DIPK1A: variants seen among roughly 807,000 people sequenced by gnomAD.
DIPK1A encodes the protein family with sequence similarity 69 member A.
In DIPK1A, 27 loss-of-function variants were observed where a neutral mutation model predicts 40.8. The observed-to-expected ratio is 0.66, with a 90% CI of 0.49 to 0.91. DIPK1A has a LOEUF of 0.91. DIPK1A is among the 40% of genes least tolerant of loss of function. The pLI is 0.00. For missense variants in DIPK1A, 412 were observed against 505.7 expected (o/e 0.81, Z 1.78); for synonymous variants, 166 against 171.3 (o/e 0.97, Z 0.24).
rs1243652631 is a variant in DIPK1A, at chr1:92,843,410, C to T, written c.1260G>A (p.Lys420=). Residue 420 remains lysine, a synonymous_variant, in exon 5 of 5, where the codon AAG becomes AAA. Transcript: ENST00000370310. The stretch of plus-strand genomic sequence containing the variant: ...AAGAGTCATTAGTGTAGGAAATTTT[C>T]TTCCACAATAATGTTTTTAGGTTAT... The part of the protein sequence containing the change: ...ILNNLKTLLW[K]KISYTNDS 6.5e-7 allele frequency: 1 copy of T among 1,544,102 alleles called. No homozygotes were observed. Among genetic ancestry groups the T allele is most frequent in the Non-Finnish European group, 8.7e-7 (1 of 1,143,516 alleles).
intron 2 of DIPK1A, among the ~76,000 whole-genome samples, chr1:92,854,020 G>A (rs1687906608): frequency 6.6e-6 from 1 of 152,128 alleles, no homozygotes; most frequent in Admixed American, 6.5e-5. Context: ...CCGAGTAGCT[G>A]GGACTACAAG....
intron 1 of DIPK1A, among the ~76,000 whole-genome samples, chr1:92,900,620 T>C (rs1276120903): frequency 6.6e-6 from 1 of 151,970 alleles, no homozygotes; most frequent in Non-Finnish European, 1.5e-5. Context: ...TCCTTTTCAT[T>C]GGGGTCTGTC....
At position 92,877,032 on chromosome 1, in the gene DIPK1A, C is replaced by T. The variant is rs1045122382; in HGVS notation, c.55-602G>A. 121 of 985,046 alleles carry T rather than the reference C, an allele frequency of 1.2e-4. 1 individual carries two copies. Among genetic ancestry groups the T allele is most frequent in the Non-Finnish European group, 1.0e-4 (86 of 829,824 alleles). 61.0% of individuals were successfully genotyped at this position (985,046 alleles called of 1,614,324 possible). On this transcript the variant is annotated intron_variant, in intron 1 of 4. Coordinates refer to ENST00000370310, the MANE Select transcript of DIPK1A (RefSeq NM_001006605.5). ...ATAGATATTCTGGAAACTGAGGAGA[C>T]GCTAACAATTGTTAAAGGAGAAATG...
chr1:92,862,749 A>G (rs921295759), intron 2 of DIPK1A, among the ~76,000 whole-genome samples: 1 of 152,208 alleles, frequency 6.6e-6, no homozygotes, highest in Non-Finnish European at 1.5e-5. Flanking sequence ...AAGGTCTGTT[A>G]TGAGTTTGAC....
chr1:92,961,304 A>C, intron 1 of DIPK1A, 72 bp downstream of exon 1: 1 of 1,166,294 alleles, frequency 8.6e-7, no homozygotes, highest in Non-Finnish European at 1.2e-6. Flanking sequence ...GGAGCGGGCG[A>C]GTCCTGCGCG....
At chr1:92,856,379 A>G (rs1464084288) in intron 2 of DIPK1A, among the ~76,000 whole-genome samples, 1 of 150,348 alleles carries the variant, frequency 6.7e-6, no homozygotes, top group Non-Finnish European at 1.5e-5. Context: ...AAAGCAGGCC[A>G]ATAACTCTAT....
chr1:92,833,039 A>G, intron 4 of DIPK1A: 1 of 738,310 alleles, frequency 1.4e-6, no homozygotes, highest in Non-Finnish European at 2.5e-6. Flanking sequence ...CTGGTCCTTG[A>G]AGAAACAAAT....
chr1:92,836,064 G>A, intron 4 of DIPK1A: 1 of 815,910 alleles, frequency 1.2e-6, no homozygotes, highest in South Asian at 1.4e-5. Context: ...TCTGGTGAAA[G>A]GGTGGGTGTG....
chr1:92,891,721 C>T (rs1002572747), intron 1 of DIPK1A, among the ~76,000 whole-genome samples: 10 of 151,928 alleles, frequency 6.6e-5, no homozygotes, highest in African/African-American at 2.2e-4. Flanking sequence ...ATTGCCTCAC[C>T]CGGGAAGAGG....
intron 2 of DIPK1A, among the ~76,000 whole-genome samples, chr1:92,875,445 G>A (rs766345771): frequency 6.6e-6 from 1 of 152,150 alleles, no homozygotes; most frequent in East Asian, 1.9e-4. Flanking sequence ...GGCCAGGTGC[G>A]GTGGCTCATG....
intron 1 of DIPK1A, among the ~76,000 whole-genome samples, chr1:92,895,934 A>G (rs1192571820): frequency 1.3e-5 from 2 of 152,118 alleles, no homozygotes; most frequent in African/African-American, 4.8e-5. Context: ...ATACCTAGGA[A>G]TCCAGCTTAC....
At chr1:92,915,859 G>A (rs377713696) in intron 1 of DIPK1A, among the ~76,000 whole-genome samples, 16 of 151,866 alleles carry the variant, frequency 1.1e-4, no homozygotes, top group African/African-American at 3.9e-4. Context: ...GTCCCAAAAC[G>A]GAAACAATCC....
rs537165281 is a variant in DIPK1A at position 92,856,414 on chromosome 1, T to TTTATTA, written c.190-5465_190-5460dup. Among the ~76,000 whole-genome samples, 466 of 152,118 alleles carry TTTATTA rather than the reference T, an allele frequency of 3.1e-3. 3 individuals are homozygous for TTTATTA. Among genetic ancestry groups the TTTATTA allele is most frequent in the African/African-American group, 0.01 (433 of 41,534 alleles). ...TAAAAGATTAGTTTATTTACTATTA[T>TTTATTA]TTATTATTATTATTATTTTTTGAGA... On this transcript the variant is annotated intron_variant, in intron 2 of 4. Transcript: ENST00000370310.
At chr1:92,848,535 G>A (rs1310423231) in intron 3 of DIPK1A, among the ~76,000 whole-genome samples, 2 of 152,160 alleles carry the variant, frequency 1.3e-5, no homozygotes, top group African/African-American at 4.8e-5. Context: ...CATCATTCAA[G>A]TCTCAGATTA....
intron 4 of DIPK1A, chr1:92,834,721 A>G: frequency 6.2e-7 from 1 of 1,602,468 alleles, no homozygotes; most frequent in Non-Finnish European, 8.5e-7. Context: ...AAAATAATTA[A>G]GATGTAGTAA....
At chr1:92,895,922 A>C (rs1649143690) in intron 1 of DIPK1A, among the ~76,000 whole-genome samples, 1 of 152,086 alleles carries the variant, frequency 6.6e-6, no homozygotes, top group African/African-American at 2.4e-5. Flanking sequence ...AAAGAGAATA[A>C]AATACCTAGG....
intron 4 of DIPK1A, chr1:92,834,685 C>A (rs2100680160): frequency 1.4e-6 from 2 of 1,477,502 alleles, no homozygotes; most frequent in Non-Finnish European, 1.9e-6. Flanking sequence ...TCATCTGTGT[C>A]CATCAATGTT....
chr1:92,882,225 TA>T (rs1648410892), intron 1 of DIPK1A, among the ~76,000 whole-genome samples: 1 of 152,122 alleles, frequency 6.6e-6, no homozygotes, highest in Non-Finnish European at 1.5e-5. Flanking sequence ...CCACCTCTAT[TA>T]AAAATACAAA....
In DIPK1A at chr1:92,843,338, T is replaced by G; in HGVS notation, c.*45A>C. On this transcript the variant is annotated 3_prime_UTR_variant, in exon 5 of 5. Coordinates refer to ENST00000370310, the MANE Select transcript of DIPK1A (RefSeq NM_001006605.5). Reference sequence around the variant, plus strand: ...TTTTTTTAATGCTCAAAATTGTTCTTTAAAAGTGGCAGGTTTCTTAAAATG... The same window carrying G: ...TTTTTTTAATGCTCAAAATTGTTCTGTAAAAGTGGCAGGTTTCTTAAAATG... The G allele has an allele frequency of 3.4e-6, 5 of 1,463,188 alleles. No individual in the cohort carries two copies. The highest frequency in any genetic ancestry group is 4.5e-6 in the Non-Finnish European group (5 of 1,109,216). The allele number at this position is 1,463,188 out of a possible 1,614,324, so 90.6% of individuals were successfully genotyped here.
Sources: allele counts gnomAD v4.1 joint callset (sites outside exome capture counted in the v4.1 genomes callset), GRCh38; gene constraint gnomAD v4.1.1; transcripts MANE v1.5; gene names NCBI Gene and HGNC (gene_info 2026-07-23, HGNC 2026-07-21).